Variants in SMC5 observed in about 807,000 individuals in gnomAD.
SMC5 encodes the protein structural maintenance of chromosomes 5.
In SMC5, 88 loss-of-function variants were observed where a neutral mutation model predicts 148.3. The observed-to-expected ratio is 0.59, with a 90% CI of 0.50 to 0.71. The LOEUF (loss-of-function observed/expected upper bound fraction) is 0.71, where lower values mean the gene tolerates loss of function less well. Among genes scored for constraint, SMC5 ranks in the 30% least tolerant of loss-of-function variants. The pLI is 0.00. For missense variants in SMC5, 1,142 were observed against 1,298.9 expected (o/e 0.88, Z 1.86); for synonymous variants, 421 against 432.8 (o/e 0.97, Z 0.34).
chr9:70,327,301 A>G (rs1205733133), intron 17 of SMC5, among the ~76,000 whole-genome samples: 1 of 152,208 alleles, frequency 6.6e-6, no homozygotes, highest in Non-Finnish European at 1.5e-5. Context: ...AGGACCCAGG[A>G]GCCTACATGA....
At chr9:70,328,277 C>T (rs545317503) in intron 17 of SMC5, among the ~76,000 whole-genome samples, 23 of 152,240 alleles carry the variant, frequency 1.5e-4, no homozygotes, top group African/African-American at 5.5e-4. Context: ...ACTCAAAAGT[C>T]CAAGTACAAG....
chr9:70,279,817 C>CAA (rs561567100), intron 5 of SMC5, among the ~76,000 whole-genome samples: 42 of 56,572 alleles, frequency 7.4e-4, no homozygotes, highest in East Asian at 2.7e-3. Flanking sequence ...AACTCCGTTT[C>CAA]AAAAAAAAAA....
Position 70,350,308 on chromosome 9 carries a change from C to T in SMC5, c.3069+15C>T. The T allele has an allele frequency of 3.7e-6, 6 of 1,611,364 alleles. No individual in the cohort carries two copies. The highest frequency in any genetic ancestry group is 5.1e-6 in the Non-Finnish European group (6 of 1,178,892). ...AAATCAATCAGGTATGGTGATTGTT[C>T]TGTTACTTGGATCTTCTTATATCCT... On this transcript the variant is annotated intron_variant, in intron 23 of 24. Coordinates refer to ENST00000361138, the MANE Select transcript of SMC5 (RefSeq NM_015110.4).
chr9:70,309,245 C>T (rs11142360), intron 11 of SMC5, among the ~76,000 whole-genome samples: 1 of 147,318 alleles, frequency 6.8e-6, no homozygotes, highest in Non-Finnish European at 1.5e-5. Context: ...TTGATCAACT[C>T]TTCCTTTCAC....
At chr9:70,261,004 G>T (rs1003562893) in intron 1 of SMC5, among the ~76,000 whole-genome samples, 2 of 152,180 alleles carry the variant, frequency 1.3e-5, no homozygotes, top group Non-Finnish European at 2.9e-5. Flanking sequence ...CTCCCAAAGT[G>T]CTGGGATTAC....
intron 17 of SMC5, among the ~76,000 whole-genome samples, chr9:70,328,148 C>G (rs749248435): frequency 3.3e-5 from 5 of 152,044 alleles, no homozygotes; most frequent in Non-Finnish European, 5.9e-5. Flanking sequence ...GCCGGGGACA[C>G]AGAACTAACC....
At position 70,266,850 on chromosome 9, in the gene SMC5, A is replaced by G. The variant is rs74908256; in HGVS notation, c.328-1073A>G. Among the ~76,000 whole-genome samples the G allele has an allele frequency of 3.2e-4, 48 of 152,308 alleles. No homozygotes were observed. In the East Asian group the frequency reaches 8.9e-3, roughly 28 times the overall value. On this transcript the variant is annotated intron_variant, in intron 2 of 24. Coordinates refer to ENST00000361138, the MANE Select transcript of SMC5 (RefSeq NM_015110.4). ...CCAAGTCTTTTAATTCTTGCAAGCT[A>G]ATGAGCAGATGTCATTCCTACATGG... is the stretch of plus-strand genomic sequence containing the variant.
intron 18 of SMC5, among the ~76,000 whole-genome samples, chr9:70,345,847 A>G (rs1275914600): frequency 6.6e-6 from 1 of 152,148 alleles, no homozygotes; most frequent in Non-Finnish European, 1.5e-5. Context: ...CAGTGAAACC[A>G]TTTAGAAGGT....
At chr9:70,326,579 C>G (rs1323883565) in intron 17 of SMC5, among the ~76,000 whole-genome samples, 3 of 142,082 alleles carry the variant, frequency 2.1e-5, no homozygotes, top group Non-Finnish European at 4.6e-5. Context: ...TTAAAAATTA[C>G]AATGATAAAC....
chr9:70,298,633 T>C (rs1414186741), intron 9 of SMC5, among the ~76,000 whole-genome samples: 1 of 152,064 alleles, frequency 6.6e-6, no homozygotes, highest in Non-Finnish European at 1.5e-5. Flanking sequence ...TGTGGTATTA[T>C]TTGGATAGGG....
intron 18 of SMC5, 28 bp from the exon 19 acceptor site, chr9:70,346,577 A>G (rs770476374): frequency 1.2e-6 from 2 of 1,612,668 alleles, no homozygotes; most frequent in South Asian, 2.2e-5. Context: ...AATGCCCCAC[A>G]TATTCTGGAC....
At chr9:70,314,654 G>A (rs1587682568) in intron 11 of SMC5, 88 bp from the exon 12 acceptor site, 3 of 559,026 alleles carry the variant, frequency 5.4e-6, no homozygotes, top group Non-Finnish European at 5.8e-6. Flanking sequence ...TCCATCCCAC[G>A]AATGCCAGTA....
At chr9:70,276,695 G>A (rs2034602154) in intron 3 of SMC5, among the ~76,000 whole-genome samples, 1 of 152,180 alleles carries the variant, frequency 6.6e-6, no homozygotes, top group African/African-American at 2.4e-5. Context: ...ATAGATGGGA[G>A]GTGTGGAGCA....
At position 70,348,762 on chromosome 9, in the gene SMC5, G is replaced by GT. The variant is rs1267757822; in HGVS notation, c.2889+725dup. Among the ~76,000 whole-genome samples the GT allele has an allele frequency of 9.9e-5, 15 of 152,148 alleles. No individual in the cohort carries two copies. The South Asian group carries it at 2.3e-3, about 23-fold the overall frequency. ...AAATTTGCTACTAATTTCTTGTGCTGTAAGTTTATGCATTGCAATTTGGGC... is the reference window on the plus strand; with the variant it reads ...AAATTTGCTACTAATTTCTTGTGCTGTTAAGTTTATGCATTGCAATTTGGGC... On this transcript the variant is annotated intron_variant, in intron 22 of 24. Coordinates refer to ENST00000361138, the MANE Select transcript of SMC5 (RefSeq NM_015110.4).
At chr9:70,260,480 T>C (rs1279861284) in intron 1 of SMC5, among the ~76,000 whole-genome samples, 1 of 152,206 alleles carries the variant, frequency 6.6e-6, no homozygotes, top group Non-Finnish European at 1.5e-5. Context: ...CCTTTTTTTT[T>C]CAAGCACCTA....
At chr9:70,264,468 T>A (rs2034220942) in intron 2 of SMC5, 23 bp downstream of exon 2, 1 of 1,609,748 alleles carries the variant, frequency 6.2e-7, no homozygotes, top group Admixed American at 1.7e-5. Flanking sequence ...AATTACTTTT[T>A]AAGAAATTTC....
intron 5 of SMC5, among the ~76,000 whole-genome samples, chr9:70,280,075 T>C (rs895389006): frequency 1.3e-5 from 2 of 152,248 alleles, no homozygotes; most frequent in Non-Finnish European, 2.9e-5. Flanking sequence ...TTATACTTAT[T>C]CAAAGTGAAT....
At chr9:70,271,213 T>C (rs2034442495) in intron 3 of SMC5, among the ~76,000 whole-genome samples, 1 of 152,192 alleles carries the variant, frequency 6.6e-6, no homozygotes, top group South Asian at 2.1e-4. Flanking sequence ...AGTATCATAA[T>C]GTAAATTATT....
chr9:70,339,920 A>G (rs1006779962), intron 17 of SMC5, among the ~76,000 whole-genome samples: 3 of 152,162 alleles, frequency 2.0e-5, no homozygotes, highest in African/African-American at 4.8e-5. Context: ...CTGTGTGTGA[A>G]TCCAAATACA....
Sources: gnomAD v4.1 joint callset for allele counts (sites outside exome capture counted in the v4.1 genomes callset) on GRCh38, gnomAD v4.1.1 for gene constraint, MANE v1.5 for transcripts, NCBI Gene and HGNC (gene_info 2026-07-23, HGNC 2026-07-21) for gene names.